The following MAK16 variants were observed in gnomAD, a reference collection of about 807,000 sequenced individuals.
MAK16 encodes MAK16 homolog.
A neutral mutation model predicts 49.9 loss-of-function variants in MAK16; 12 were observed. That is an observed-to-expected ratio of 0.24 (90% CI 0.15 to 0.39). The LOEUF is 0.39. MAK16 is among the 10% of genes least tolerant of loss of function. The probability of loss-of-function intolerance (pLI) is 1.00; values close to 1 mark genes in which losing one functional copy is unlikely to be tolerated. For synonymous variants in MAK16, 115 were observed against 126.4 expected (o/e 0.91, Z 0.60); for missense variants, 292 against 363.7 (o/e 0.80, Z 1.60).
chr8:33,487,981 C>A (rs1225395629), intron 1 of MAK16, among the ~76,000 whole-genome samples: 1 of 151,682 alleles, frequency 6.6e-6, no homozygotes, highest in African/African-American at 2.4e-5. Flanking sequence ...CAGGCTGGAG[C>A]GCAATGGCAC....
chr8:33,492,858 TTTG>T (rs1415275138), intron 6 of MAK16, among the ~76,000 whole-genome samples: 2 of 152,034 alleles, frequency 1.3e-5, no homozygotes, highest in African/African-American at 2.4e-5. Flanking sequence ...TTGTGTTTTT[TTTG>T]TTGTTTTTTT....
chr8:33,491,527 A>G (rs555186008), intron 6 of MAK16, among the ~76,000 whole-genome samples: 19 of 152,082 alleles, frequency 1.2e-4, no homozygotes, highest in South Asian at 4.1e-4. Flanking sequence ...CTGATGATCA[A>G]TGATGTTGAA....
At chr8:33,485,384 C>T (rs1808669691) in intron 1 of MAK16, 163 bp downstream of exon 1, 1 of 923,840 alleles carries the variant, frequency 1.1e-6, no homozygotes, top group Non-Finnish European at 1.7e-6. Context: ...TCACGCGTGT[C>T]TAGCAGGGGT....
rs1338987284 is a variant in MAK16 at position 33,500,486 on chromosome 8, A to G, written c.*1857A>G. The G allele has an allele frequency of 6.2e-7, 1 of 1,613,950 alleles. No homozygotes were observed. The highest frequency in any genetic ancestry group is 8.5e-7 in the Non-Finnish European group (1 of 1,179,996). ...TTCAGTAAGACCACAAGTCTGCAGGAAACTCTGGAATCAGGAAGAAAAGCT... is the reference window on the plus strand; with the variant it reads ...TTCAGTAAGACCACAAGTCTGCAGGGAACTCTGGAATCAGGAAGAAAAGCT... On this transcript the variant is annotated 3_prime_UTR_variant, in exon 10 of 10. Coordinates refer to ENST00000360128, the MANE Select transcript of MAK16 (RefSeq NM_032509.4).
Position 33,499,612 on chromosome 8 carries a change from T to C in MAK16, c.*983T>C. The C allele has an allele frequency of 4.6e-6, 1 of 219,340 alleles. No individual in the cohort carries two copies. Among genetic ancestry groups the C allele is most frequent in the Non-Finnish European group, 9.1e-6 (1 of 109,366 alleles). The allele number at this position is 219,340 out of a possible 1,614,324, so 13.6% of individuals were successfully genotyped here. A position where few individuals can be genotyped will look rare whatever the true frequency, so the allele number is the denominator to read the frequency against. On this transcript the variant is annotated 3_prime_UTR_variant, in exon 10 of 10. Transcript: ENST00000360128. ...ATTAAAGAGCTAAGATGAAATAGTT[T>C]GAATAAACTGGTAAAATAACAATTC...
Position 33,499,310 on chromosome 8 carries a change from T to A in MAK16, c.*681T>A, listed in dbSNP as rs759274518. On this transcript the variant is annotated 3_prime_UTR_variant, in exon 10 of 10. Transcript: ENST00000360128. ...ATGAAACCAAACAGGCTTTGATATT[T>A]TTTTTTTTTTAATTACTTTCCCCTT... 265 of 1,477,052 alleles carry A rather than the reference T, an allele frequency of 1.8e-4. No individual in the cohort carries two copies. Among genetic ancestry groups the A allele is most frequent in the African/African-American group, 5.2e-4 (37 of 70,850 alleles). The allele number at this position is 1,477,052 out of a possible 1,614,324, so 91.5% of individuals were successfully genotyped here. A position where few individuals can be genotyped will look rare whatever the true frequency, so the allele number is the denominator to read the frequency against.
intron 7 of MAK16, 28 bp downstream of exon 7, chr8:33,495,644 T>G (rs1217758017): frequency 6.5e-7 from 1 of 1,538,864 alleles, no homozygotes; most frequent in Non-Finnish European, 8.9e-7. Context: ...TTTGGGGTAC[T>G]GAAATTTTAA....
Position 33,499,397 on chromosome 8 carries a change from G to T in MAK16, c.*768G>T. 1 of 743,024 alleles carries T rather than the reference G, an allele frequency of 1.3e-6. No individual in the cohort carries two copies. Among genetic ancestry groups the T allele is most frequent in the Non-Finnish European group, 2.4e-6 (1 of 423,912 alleles). 46.0% of individuals were successfully genotyped at this position (743,024 alleles called of 1,614,324 possible). ...GAGGAAAGAATGGATGACACTTAGGGACAGGTCACTAAGCAGAATAGGTAT... is the reference window on the plus strand; with the variant it reads ...GAGGAAAGAATGGATGACACTTAGGTACAGGTCACTAAGCAGAATAGGTAT... On this transcript the variant is annotated 3_prime_UTR_variant, in exon 10 of 10. Coordinates refer to ENST00000360128, the MANE Select transcript of MAK16 (RefSeq NM_032509.4).
intron 7 of MAK16, among the ~76,000 whole-genome samples, chr8:33,496,192 A>G (rs557170935): frequency 1.3e-5 from 2 of 152,242 alleles, no homozygotes; most frequent in African/African-American, 2.4e-5. Flanking sequence ...TATAAAAGCC[A>G]TGGGGTTTTG....
chr8:33,500,567 A>C lies in MAK16; in HGVS notation c.*1938A>C. On this transcript the variant is annotated 3_prime_UTR_variant, in exon 10 of 10. Transcript: ENST00000360128. ...TTGGAAGAGACTTCAAAGACTGTCA[A>C]GTGGAAAGCTATCATTTCCTAAATT... is the stretch of plus-strand genomic sequence containing the variant. 1.9e-6 allele frequency: 3 copies of C among 1,545,300 alleles called. No individual in the cohort carries two copies. The highest frequency in any genetic ancestry group is 1.8e-6 in the Non-Finnish European group (2 of 1,133,140).
At chr8:33,488,172 C>T (rs952378821) in intron 1 of MAK16, among the ~76,000 whole-genome samples, 7 of 152,134 alleles carry the variant, frequency 4.6e-5, no homozygotes, top group Non-Finnish European at 1.0e-4. Context: ...AGGTGATCCG[C>T]CCAACTCAGC....
chr8:33,488,898 C>G, intron 4 of MAK16, 90 bp from the exon 5 acceptor site: 5 of 1,600,406 alleles, frequency 3.1e-6, no homozygotes, highest in Non-Finnish European at 4.3e-6. Context: ...CTTTTGAGGC[C>G]ATCCTCATTA....
At chr8:33,485,398 C>A in intron 1 of MAK16, 177 bp downstream of exon 1, 1 of 781,176 alleles carries the variant, frequency 1.3e-6, no homozygotes, top group African/African-American at 1.7e-5. Context: ...CAGGGGTTTA[C>A]TGCCCGCTGC....
intron 9 of MAK16, among the ~76,000 whole-genome samples, chr8:33,497,500 AT>A (rs916910055): frequency 1.6e-4 from 23 of 147,460 alleles, no homozygotes; most frequent in South Asian, 4.3e-4. Flanking sequence ...AAAAAAAAAA[AT>A]TTTTTTTTTT....
chr8:33,488,503 C>A lies in MAK16; in HGVS notation c.66-17C>A, dbSNP rs760788389. Reference sequence around the variant, plus strand: ...GCAACCCATTTTATAATCTTTGTTTCTTTTCTCCCATTCTAGAACCAAGAC... The same window carrying A: ...GCAACCCATTTTATAATCTTTGTTTATTTTCTCCCATTCTAGAACCAAGAC... On this transcript the variant is annotated splice_polypyrimidine_tract_variant and intron_variant, in intron 2 of 9. Coordinates refer to ENST00000360128, the MANE Select transcript of MAK16 (RefSeq NM_032509.4). 3 of 1,613,924 alleles carry A rather than the reference C, an allele frequency of 1.9e-6. No homozygotes were observed. Among genetic ancestry groups the A allele is most frequent in the Admixed American group, 3.3e-5 (2 of 59,980 alleles).
intron 6 of MAK16, 73 bp downstream of exon 6, chr8:33,490,412 C>T: frequency 8.1e-7 from 1 of 1,231,076 alleles, no homozygotes; most frequent in African/African-American, 1.5e-5. Context: ...CAGTCACCAT[C>T]ATTATGTAAA....
At chr8:33,493,036 T>A (rs1271237870) in intron 6 of MAK16, among the ~76,000 whole-genome samples, 7 of 152,134 alleles carry the variant, frequency 4.6e-5, no homozygotes, top group Admixed American at 3.9e-4. Flanking sequence ...AGGGATAGCT[T>A]TTCTTTTGAT....
In MAK16 at chr8:33,485,215, G is replaced by A. The variant is rs147879677; in HGVS notation, c.9G>A (p.Ser3=). 3 of 1,614,192 alleles carry A rather than the reference G, an allele frequency of 1.9e-6. No individual in the cohort carries two copies. The highest frequency in any genetic ancestry group is 2.5e-6 in the Non-Finnish European group (3 of 1,180,038). MQ[S]DDVIWDTLGN... is the part of the protein sequence containing the mutation. Reference sequence around the variant, plus strand: ...GCTGAGCCGCGGACACCATGCAGTCGGATGATGTGAGTCTCCTCCGGTTGT... The same window carrying A: ...GCTGAGCCGCGGACACCATGCAGTCAGATGATGTGAGTCTCCTCCGGTTGT... The change falls in exon 1 of 10, where the codon TCG becomes TCA. Residue 3 remains serine (S), a synonymous_variant. Coordinates refer to ENST00000360128, the MANE Select transcript of MAK16 (RefSeq NM_032509.4).
intron 6 of MAK16, 122 bp downstream of exon 6, chr8:33,490,461 T>A: frequency 7.7e-6 from 5 of 645,566 alleles, no homozygotes; most frequent in Non-Finnish European, 1.0e-5. Flanking sequence ...AATAGATAAC[T>A]ATTAGTTGCC....
Sources: allele counts gnomAD v4.1 joint callset (sites outside exome capture counted in the v4.1 genomes callset), GRCh38; gene constraint gnomAD v4.1.1; transcripts MANE v1.5; gene names NCBI Gene and HGNC (gene_info 2026-07-23, HGNC 2026-07-21).